ANO5: variants seen among roughly 807,000 people sequenced by gnomAD.
The protein encoded by ANO5 is anoctamin 5, also known as anoctamin-5.
A neutral mutation model predicts 121.0 loss-of-function variants in ANO5; 109 were observed. The observed-to-expected ratio is 0.90, with a 90% CI of 0.77 to 1.06. The LOEUF (loss-of-function observed/expected upper bound fraction) is 1.06, where lower values mean the gene tolerates loss of function less well. Ranked by LOEUF, ANO5 falls within the 50% of genes least tolerant of loss-of-function variation. The pLI is 0.00. For missense variants in ANO5, 1,064 were observed against 1,078.5 expected, an observed-to-expected ratio of 0.99 and a Z score of 0.19; for synonymous variants, 406 against 359.9, an observed-to-expected ratio of 1.13 and a Z score of -1.45.
intron 16 of ANO5, among the ~76,000 whole-genome samples, chr11:22,262,680 C>T (rs1854229509): frequency 6.6e-6 from 1 of 152,170 alleles, no homozygotes; most frequent in Non-Finnish European, 1.5e-5. Context: ...CAACTCCCAA[C>T]CCTAACCCAG....
chr11:22,210,672 C>T (rs1259002717), intron 2 of ANO5, among the ~76,000 whole-genome samples: 2 of 151,848 alleles, frequency 1.3e-5, no homozygotes, highest in Admixed American at 6.6e-5. Context: ...CCACCATATA[C>T]AGAGGGAGGC....
In ANO5 at chr11:22,250,271, G is replaced by T. The variant is rs1790259250; in HGVS notation, c.913G>T (p.Val305Phe). Residue 305 changes from valine to phenylalanine, a missense_variant, in exon 10 of 22, where the codon GTC becomes TTC. Physicochemically the swap from Val to Phe is conservative, Grantham distance 50. Coordinates refer to ENST00000324559, the MANE Select transcript of ANO5 (RefSeq NM_213599.3). ...YYGEKIGIYF[V>F]FLGFYTEMLF... ...TGGAGAAAAAATTGGTATCTATTTT[G>T]TCTTTCTTGGATTTTACACAGAAAT... is the stretch of plus-strand genomic sequence containing the variant. 1.1e-5 allele frequency: 17 copies of T among 1,603,930 alleles called. No homozygotes were observed. Among genetic ancestry groups the T allele is most frequent in the Non-Finnish European group, 1.5e-5 (17 of 1,171,874 alleles).
chr11:22,221,854 A>G (rs1268345185), intron 5 of ANO5, among the ~76,000 whole-genome samples: 2 of 151,970 alleles, frequency 1.3e-5, no homozygotes, highest in Admixed American at 1.3e-4. Context: ...ACATTTACTT[A>G]TGTACTTACA....
intron 2 of ANO5, among the ~76,000 whole-genome samples, chr11:22,205,341 A>G (rs1038297728): frequency 7.9e-5 from 12 of 152,052 alleles, no homozygotes; most frequent in African/African-American, 2.7e-4. Context: ...GTATCTCTGG[A>G]CTTAAACTAA....
chr11:22,230,652 C>T (rs1362810881), intron 7 of ANO5, among the ~76,000 whole-genome samples: 2 of 151,978 alleles, frequency 1.3e-5, no homozygotes, highest in East Asian at 3.9e-4. Context: ...AAACTTTTAA[C>T]TACCATTCCC....
At chr11:22,195,153 T>A (rs1590204903) in intron 1 of ANO5, among the ~76,000 whole-genome samples, 1 of 152,198 alleles carries the variant, frequency 6.6e-6, no homozygotes, top group African/African-American at 2.4e-5. Context: ...TCAGTGTGAT[T>A]TTGATTCTAT....
intron 9 of ANO5, among the ~76,000 whole-genome samples, chr11:22,249,077 T>C (rs117372246): frequency 9.2e-5 from 14 of 152,118 alleles, no homozygotes; most frequent in Non-Finnish European, 2.1e-4. Flanking sequence ...TATAATTTAA[T>C]TTCAAGTTTA....
chr11:22,269,955 T>C (rs1854548661), intron 17 of ANO5, among the ~76,000 whole-genome samples: 1 of 152,236 alleles, frequency 6.6e-6, no homozygotes, highest in South Asian at 2.1e-4. Context: ...TCATATTTGT[T>C]TGAATTTTCT....
intron 17 of ANO5, among the ~76,000 whole-genome samples, chr11:22,269,583 GAAA>G (rs1854534132): frequency 6.6e-6 from 1 of 151,668 alleles, no homozygotes; most frequent in Non-Finnish European, 1.5e-5. Context: ...AAAAAAGAAA[GAAA>G]GAGAAAGAAA....
At chr11:22,255,763 T>G (rs538585900) in intron 13 of ANO5, among the ~76,000 whole-genome samples, 11 of 152,256 alleles carry the variant, frequency 7.2e-5, no homozygotes, top group African/African-American at 2.6e-4. Context: ...ACTACATGGA[T>G]GAACCCATCA....
chr11:22,276,052 CTATTATTATT>C (rs1564953851), intron 20 of ANO5, 32 bp from the exon 21 acceptor site: 2 of 1,255,954 alleles, frequency 1.6e-6, no homozygotes. Flanking sequence ...GAAGCTATAA[CTATTATTATT>C]TTTTTTTTTT....
At chr11:22,210,990 A>G (rs1328417911) in intron 2 of ANO5, among the ~76,000 whole-genome samples, 1 of 151,824 alleles carries the variant, frequency 6.6e-6, no homozygotes. Context: ...CTACCTCCCA[A>G]ATACTAATTC....
intron 3 of ANO5, among the ~76,000 whole-genome samples, chr11:22,211,959 T>A (rs1852291278): frequency 6.7e-6 from 1 of 149,228 alleles, no homozygotes; most frequent in South Asian, 2.1e-4. Context: ...ATTAAAACAA[T>A]TGAAATGTTT....
chr11:22,259,779 G>T, intron 15 of ANO5, 38 bp downstream of exon 15: 6 of 1,544,088 alleles, frequency 3.9e-6, no homozygotes, highest in Non-Finnish European at 5.4e-6. Context: ...TCTGAAGAAT[G>T]ATTCTTATTG....
intron 9 of ANO5, among the ~76,000 whole-genome samples, chr11:22,240,831 G>T (rs1035231994): frequency 6.6e-6 from 1 of 151,636 alleles, no homozygotes; most frequent in South Asian, 2.1e-4. Flanking sequence ...GAGAGCAATG[G>T]CATCTTTCTC....
intron 17 of ANO5, among the ~76,000 whole-genome samples, chr11:22,263,822 C>G (rs903112618): frequency 6.6e-6 from 1 of 152,034 alleles, no homozygotes; most frequent in Admixed American, 6.6e-5. Flanking sequence ...TTTATTCTCA[C>G]TCATGAAAGA....
chr11:22,262,123 TAAC>T lies in ANO5; in HGVS notation c.1631-4_1631-2del. Reference sequence around the variant, plus strand: ...ATGCACTAAACATTTTTTTTTAACTTAACAGAAATTCCTCGAACATACCAGGAG... The same window carrying T: ...ATGCACTAAACATTTTTTTTTAACTTAGAAATTCCTCGAACATACCAGGAG... On this transcript the variant is annotated splice_region_variant and splice_polypyrimidine_tract_variant and intron_variant, in intron 15 of 21. Coordinates refer to ENST00000324559, the MANE Select transcript of ANO5 (RefSeq NM_213599.3). 1.2e-6 allele frequency: 2 copies of T among 1,613,330 alleles called. No individual in the cohort carries two copies. Among genetic ancestry groups the T allele is most frequent in the Middle Eastern group, 3.4e-4 (2 of 5,874 alleles).
intron 1 of ANO5, among the ~76,000 whole-genome samples, chr11:22,196,097 T>C (rs1164567435): frequency 6.6e-6 from 1 of 152,158 alleles, no homozygotes; most frequent in South Asian, 2.1e-4. Context: ...CTTAGCCTAC[T>C]TTTTTTTATT....
chr11:22,241,367 A>T (rs140245652), intron 9 of ANO5, among the ~76,000 whole-genome samples: 4 of 146,680 alleles, frequency 2.7e-5, no homozygotes, highest in Admixed American at 6.8e-5. Context: ...AGGTGCGTGC[A>T]TCTTTTTGGT....
Sources: allele counts gnomAD v4.1 joint callset (sites outside exome capture counted in the v4.1 genomes callset), GRCh38; gene constraint gnomAD v4.1.1; transcripts MANE v1.5; gene names NCBI Gene and HGNC (gene_info 2026-07-23, HGNC 2026-07-21).